NR4A3: variants seen among roughly 807,000 people sequenced by gnomAD.
The protein encoded by NR4A3 is nuclear receptor subfamily 4 group A member 3.
In NR4A3, 13 loss-of-function variants were observed where a neutral mutation model predicts 55.6. That is an observed-to-expected ratio of 0.23 (90% CI 0.15 to 0.37). NR4A3 has a LOEUF of 0.37. NR4A3 is among the 10% of genes least tolerant of loss of function. NR4A3 has a pLI of 1.00. For synonymous variants in NR4A3, 342 were observed against 357.9 expected (o/e 0.96, Z 0.50); for missense variants, 646 against 822.8 (o/e 0.79, Z 2.63).
Position 99,863,844 on chromosome 9 carries a change from T to C in NR4A3, c.1858T>C (p.Phe620Leu). The C allele has an allele frequency of 6.2e-7, 1 of 1,612,462 alleles. No homozygotes were observed. The highest frequency in any genetic ancestry group is 8.5e-7 in the Non-Finnish European group (1 of 1,178,740). The change falls in exon 8 of 8, where the codon TTC (phenylalanine) becomes CTC (leucine). Residue 620 changes from phenylalanine to leucine, a missense_variant. This residue lies in a region of NR4A3 where 12 missense variants were observed against 21.9 expected (regional missense o/e 0.55). Transcript: ENST00000395097. ...VSPPSIIDKLFLDTLPF is the reference protein window; with the variant it reads ...VSPPSIIDKLLLDTLPF ...TCCACCTTCCATCATTGACAAGCTC[T>C]TCCTGGACACCCTACCTTTCTAATC...
At chr9:99,855,596 A>G (rs1827916021) in intron 7 of NR4A3, among the ~76,000 whole-genome samples, 1 of 152,222 alleles carries the variant, frequency 6.6e-6, no homozygotes, top group East Asian at 1.9e-4. Flanking sequence ...GAAAAGTACC[A>G]TTTAAATCAG....
rs1172913974 is a variant in NR4A3 at position 99,828,692 on chromosome 9, C to G, written c.650C>G (p.Ala217Gly). The stretch of plus-strand genomic sequence containing the variant: ...CACCACCTCGGCTACGACCCGACGG[C>G]CGCTGCCGCGCTCAGCCTGCCGCTG... The part of the protein sequence containing the change: ...GGHHLGYDPT[A>G]AAALSLPLGA... Residue 217 changes from alanine to glycine, a missense_variant, in exon 3 of 8, where the codon GCC becomes GGC. By Grantham distance (60) the Ala-to-Gly change is moderately conservative (BLOSUM62 0). Coordinates refer to ENST00000395097, the MANE Select transcript of NR4A3 (RefSeq NM_006981.4). The surrounding 1 kb of genome is among the most constrained non-coding windows in gnomAD (Gnocchi z 7.7). 6.7e-6 allele frequency: 9 copies of G among 1,343,334 alleles called. No individual in the cohort carries two copies. In the East Asian group the frequency reaches 9.4e-5, roughly 14 times the overall value. 83.2% of individuals were successfully genotyped at this position (1,343,334 alleles called of 1,614,324 possible). A position where few individuals can be genotyped will look rare whatever the true frequency, so the allele number is the denominator to read the frequency against.
chr9:99,829,955 A>G (rs759421458), intron 3 of NR4A3, among the ~76,000 whole-genome samples: 1 of 152,208 alleles, frequency 6.6e-6, no homozygotes, highest in Non-Finnish European at 1.5e-5. Context: ...TCCTGAGTTC[A>G]GTGTTATTTC....
intron 7 of NR4A3, among the ~76,000 whole-genome samples, chr9:99,856,044 C>T (rs1827922714): frequency 6.6e-6 from 1 of 152,114 alleles, no homozygotes; most frequent in South Asian, 2.1e-4. Flanking sequence ...GCATTTTTGG[C>T]ACCAGAGACT....
intron 7 of NR4A3, among the ~76,000 whole-genome samples, chr9:99,858,091 T>G (rs771440212): frequency 4.6e-5 from 7 of 152,128 alleles, no homozygotes; most frequent in Non-Finnish European, 1.0e-4. Flanking sequence ...TTACAGTTAA[T>G]GGGAGGAGAA....
intron 7 of NR4A3, among the ~76,000 whole-genome samples, chr9:99,855,968 G>C (rs1827921746): frequency 6.6e-6 from 1 of 152,052 alleles, no homozygotes. Context: ...ATGAGGAAGA[G>C]AATTTGACAT....
chr9:99,857,218 A>G (rs1827942796), intron 7 of NR4A3, among the ~76,000 whole-genome samples: 1 of 152,140 alleles, frequency 6.6e-6, no homozygotes, highest in Non-Finnish European at 1.5e-5. Flanking sequence ...GGGGGAAGAA[A>G]TTGTTAGAGA....
chr9:99,823,810 T>C (rs1274480847), intron 1 of NR4A3, among the ~76,000 whole-genome samples: 1 of 149,310 alleles, frequency 6.7e-6, no homozygotes, highest in Non-Finnish European at 1.5e-5. Context: ...GCGGTTTGTC[T>C]AGTCTCCCTC....
chr9:99,851,614 G>A (rs1478193136), intron 7 of NR4A3, among the ~76,000 whole-genome samples: 1 of 151,976 alleles, frequency 6.6e-6, no homozygotes, highest in Non-Finnish European at 1.5e-5. Context: ...GCGGTGAAGT[G>A]GGGCAGGAAA....
intron 5 of NR4A3, among the ~76,000 whole-genome samples, chr9:99,844,432 C>T (rs928338878): frequency 1.3e-5 from 2 of 152,204 alleles, no homozygotes; most frequent in African/African-American, 4.8e-5. Context: ...AAGCAAATTT[C>T]CTTGTCTATT....
rs974201798 is a variant in NR4A3 at position 99,864,933 on chromosome 9, T to G, written c.*1066T>G. ...AGGATTTTTATAGATATAATTTAAT[T>G]TTTGTTATTGGTTAAGGAGACAATT... On this transcript the variant is annotated 3_prime_UTR_variant, in exon 8 of 8. Transcript: ENST00000395097. 7 of 204,656 alleles carry G rather than the reference T, an allele frequency of 3.4e-5. No homozygotes were observed. Among genetic ancestry groups the G allele is most frequent in the Admixed American group, 1.2e-4 (2 of 16,654 alleles). 12.7% of individuals were successfully genotyped at this position (204,656 alleles called of 1,614,324 possible). A position where few individuals can be genotyped will look rare whatever the true frequency, so the allele number is the denominator to read the frequency against.
At chr9:99,855,249 C>CTTA (rs1827910167) in intron 7 of NR4A3, among the ~76,000 whole-genome samples, 1 of 152,080 alleles carries the variant, frequency 6.6e-6, no homozygotes, top group African/African-American at 2.4e-5. Context: ...CTGTGGGGTT[C>CTTA]TTAAGGACAG....
chr9:99,858,246 A>G (rs1442863764), intron 7 of NR4A3, among the ~76,000 whole-genome samples: 1 of 152,236 alleles, frequency 6.6e-6, no homozygotes, highest in African/African-American at 2.4e-5. Flanking sequence ...AAGAATGAGT[A>G]TATCTTAACC....
chr9:99,833,212 C>T, intron 4 of NR4A3, 70 bp from the exon 5 acceptor site: 2 of 1,516,230 alleles, frequency 1.3e-6, no homozygotes, highest in Non-Finnish European at 1.8e-6. Flanking sequence ...GTTTTTATTC[C>T]TTTTTGCGAT....
chr9:99,847,616 G>T lies in NR4A3; in HGVS notation c.1633+1G>T, dbSNP rs2118120971. The T allele has an allele frequency of 6.2e-7, 1 of 1,613,388 alleles. No individual in the cohort carries two copies. The highest frequency in any genetic ancestry group is 1.1e-5 in the South Asian group (1 of 91,020). On this transcript the variant is annotated splice_donor_variant, in intron 7 of 7. Coordinates refer to ENST00000395097, the MANE Select transcript of NR4A3 (RefSeq NM_006981.4). LOFTEE classifies it high-confidence loss of function. ...CTGTCAGCACTGAGCATGATCACAG[G>T]TAAGCACCACCTTGCCAAAACCGCA...
intron 5 of NR4A3, among the ~76,000 whole-genome samples, chr9:99,835,756 C>G (rs1047110597): frequency 6.6e-6 from 1 of 152,196 alleles, no homozygotes; most frequent in Non-Finnish European, 1.5e-5. Flanking sequence ...TGTCCCCACA[C>G]TGAAAAATCA....
intron 7 of NR4A3, among the ~76,000 whole-genome samples, chr9:99,853,321 C>CT (rs71370971): frequency 0.62 from 76,431 of 123,570 alleles, 22,977 homozygotes; most frequent in Non-Finnish European, 0.68. Context: ...TAGGGAATTT[C>CT]TTTTTTTTTT....
chr9:99,833,349 A>G lies in NR4A3; in HGVS notation c.1149A>G (p.Gln383=), dbSNP rs1827485423. ...CTTCCAAACCAAAGAGCCCATTACAACAGGAACCTTCTCAGCCCTCTCCAC... is the reference window on the plus strand; with the variant it reads ...CTTCCAAACCAAAGAGCCCATTACAGCAGGAACCTTCTCAGCCCTCTCCAC... The part of the protein sequence containing the change: ...RLPSKPKSPL[Q]QEPSQPSPPS... Residue 383 remains glutamine (Q), a synonymous_variant, in exon 5 of 8, where the codon CAA becomes CAG. Transcript: ENST00000395097. 1 of 1,614,094 alleles carries G rather than the reference A, an allele frequency of 6.2e-7. No homozygotes were observed. Among genetic ancestry groups the G allele is most frequent in the South Asian group, 1.1e-5 (1 of 91,078 alleles).
In NR4A3 at chr9:99,864,795, C is replaced by A. The variant is rs1000685656; in HGVS notation, c.*928C>A. The stretch of plus-strand genomic sequence containing the variant: ...CCTAAACTTGCTTCAGTTATAGTAA[C>A]TGACTGGTATATTCATTCAGAAGCG... On this transcript the variant is annotated 3_prime_UTR_variant, in exon 8 of 8. Transcript: ENST00000395097. The A allele has an allele frequency of 9.0e-6, 2 of 223,312 alleles. No individual in the cohort carries two copies. Among genetic ancestry groups the A allele is most frequent in the African/African-American group, 2.2e-5 (1 of 44,738 alleles). 13.8% of individuals were successfully genotyped at this position (223,312 alleles called of 1,614,324 possible).
Sources: allele counts gnomAD v4.1 joint callset (sites outside exome capture counted in the v4.1 genomes callset), GRCh38; gene constraint gnomAD v4.1.1; regional missense constraint gnomAD v4.1.1; non-coding constraint Gnocchi (gnomAD v3.1); transcripts MANE v1.5; gene names NCBI Gene and HGNC (gene_info 2026-07-23, HGNC 2026-07-21).